Variants in SHOC2 observed in about 807,000 individuals in gnomAD.
SHOC2 encodes leucine-rich repeat protein SHOC-2.
In SHOC2, 4 loss-of-function variants were observed where a neutral mutation model predicts 50.2. The observed-to-expected ratio is 0.08, with a 90% CI of 0.04 to 0.18. SHOC2 has a LOEUF of 0.18. Among genes scored for constraint, SHOC2 ranks in the 10% least tolerant of loss-of-function variants. The pLI, the probability that SHOC2 is intolerant of heterozygous loss-of-function variation, is 1.00. For synonymous variants in SHOC2, 218 were observed against 244.5 expected (o/e 0.89, Z 1.01); for missense variants, 388 against 669.6 (o/e 0.58, Z 4.64).
At chr10:110,966,487 T>C (rs80112333) in intron 2 of SHOC2, among the ~76,000 whole-genome samples, 257 of 152,254 alleles carry the variant, frequency 1.7e-3, no homozygotes, top group African/African-American at 5.8e-3. Flanking sequence ...CATAGAAATA[T>C]AAAAGTTACT....
chr10:110,923,166 TA>T (rs1846688567), intron 1 of SHOC2, among the ~76,000 whole-genome samples: 1 of 152,028 alleles, frequency 6.6e-6, no homozygotes, highest in Non-Finnish European at 1.5e-5. Context: ...TTTTTTGAAA[TA>T]TTTTCTCTTA....
chr10:110,942,854 A>G (rs1357237602), intron 1 of SHOC2, among the ~76,000 whole-genome samples: 1 of 152,228 alleles, frequency 6.6e-6, no homozygotes, highest in Non-Finnish European at 1.5e-5. Context: ...GTTTAAAAAA[A>G]TTCTTTTAGA....
intron 1 of SHOC2, among the ~76,000 whole-genome samples, chr10:110,935,791 T>C (rs997089533): frequency 1.9e-4 from 29 of 152,220 alleles, no homozygotes; most frequent in African/African-American, 6.8e-4. Context: ...AGTATAAAGA[T>C]ATTAGCATTC....
intron 3 of SHOC2, among the ~76,000 whole-genome samples, chr10:110,987,475 A>T (rs1272929926): frequency 6.6e-6 from 1 of 152,168 alleles, no homozygotes; most frequent in Non-Finnish European, 1.5e-5. Context: ...TACTATTTGT[A>T]GTGGAAAGAG....
Position 111,007,612 on chromosome 10 carries a change from A to G in SHOC2, c.1243A>G (p.Thr415Ala). The change falls in exon 6 of 9, where the codon ACA (threonine) becomes GCA (alanine). Residue 415 changes from threonine to alanine, a missense_variant. By Grantham distance (58) the Thr-to-Ala change is moderately conservative (BLOSUM62 0). This residue lies in a region of SHOC2 where 130 missense variants were observed against 208.6 expected (regional missense o/e 0.62). Coordinates refer to ENST00000369452, the MANE Select transcript of SHOC2 (RefSeq NM_007373.4). ...ATTGAATTTAGCCACTAATCAGCTC[A>G]CAAAGATCCCTGAGGATGTGTCTGG... ...VELNLATNQL[T>A]KIPEDVSGLV... 2 of 1,613,034 alleles carry G rather than the reference A, an allele frequency of 1.2e-6. No individual in the cohort carries two copies. The highest frequency in any genetic ancestry group is 1.7e-6 in the Non-Finnish European group (2 of 1,179,100).
intron 2 of SHOC2, 51 bp downstream of exon 2, chr10:110,965,112 T>C: frequency 6.7e-7 from 1 of 1,496,748 alleles, no homozygotes; most frequent in South Asian, 1.2e-5. Flanking sequence ...TGCTAAATAA[T>C]TTTGAGTGCT....
chr10:111,009,666 T>G (rs1848532582), intron 7 of SHOC2, 47 bp from the exon 8 acceptor site: 1 of 1,153,292 alleles, frequency 8.7e-7, no homozygotes, highest in African/African-American at 1.5e-5. Flanking sequence ...TTACATTAAA[T>G]GTAGGAAATA....
Position 110,919,619 on chromosome 10 carries a change from G to C in SHOC2, c.-273G>C, listed in dbSNP as rs968816552. 5.0e-6 allele frequency: 2 copies of C among 398,788 alleles called. No homozygotes were observed. Among genetic ancestry groups the C allele is most frequent in the African/African-American group, 4.1e-5 (2 of 48,472 alleles). The allele number at this position is 398,788 out of a possible 1,614,324, so 24.7% of individuals were successfully genotyped here. On this transcript the variant is annotated 5_prime_UTR_variant, in exon 1 of 9. Coordinates refer to ENST00000369452, the MANE Select transcript of SHOC2 (RefSeq NM_007373.4). ...GGAGGAGGAGGAAGAGGAGGAAGGA[G>C]GGCGAGCGAGGAGGATGGCGGAGTC...
Position 110,964,277 on chromosome 10 carries a change from G to A in SHOC2, c.-82G>A. ...AAGCCAGTACTTTTTTGATTGTGTA[G>A]GATCTTTGTCTCTTCATCTTTGAAT... On this transcript the variant is annotated 5_prime_UTR_variant, in exon 2 of 9. Coordinates refer to ENST00000369452, the MANE Select transcript of SHOC2 (RefSeq NM_007373.4). The surrounding 1 kb of genome is among the most constrained non-coding windows in gnomAD (Gnocchi z 4.9). The A allele has an allele frequency of 6.5e-7, 1 of 1,547,490 alleles. No homozygotes were observed. The highest frequency in any genetic ancestry group is 1.2e-5 in the South Asian group (1 of 82,840).
At chr10:110,933,275 T>C (rs1293398466) in intron 1 of SHOC2, among the ~76,000 whole-genome samples, 5 of 152,074 alleles carry the variant, frequency 3.3e-5, no homozygotes, top group African/African-American at 7.2e-5. Context: ...AAGATATACA[T>C]ACAGAGATAA....
chr10:110,928,994 A>G (rs767105579), intron 1 of SHOC2, among the ~76,000 whole-genome samples: 2 of 152,212 alleles, frequency 1.3e-5, no homozygotes, highest in South Asian at 2.1e-4. Flanking sequence ...TTGGAACTCA[A>G]TTATACCTGA....
intron 2 of SHOC2, among the ~76,000 whole-genome samples, chr10:110,972,837 GA>G (rs201571661): frequency 6.6e-6 from 1 of 150,566 alleles, no homozygotes; most frequent in African/African-American, 2.4e-5. Context: ...TGTCTCAGGA[GA>G]AAAAAAAATG....
chr10:110,921,911 AATT>A (rs1053999927), intron 1 of SHOC2, among the ~76,000 whole-genome samples: 3 of 152,010 alleles, frequency 2.0e-5, no homozygotes, highest in African/African-American at 4.8e-5. Flanking sequence ...TTTTCTCATA[AATT>A]ATTATGGATT....
At chr10:110,963,069 T>C (rs1053264225) in intron 1 of SHOC2, among the ~76,000 whole-genome samples, 2 of 152,172 alleles carry the variant, frequency 1.3e-5, no homozygotes, top group Admixed American at 1.3e-4. Flanking sequence ...TAATAACTGT[T>C]TTAACCTCTT....
intron 1 of SHOC2, chr10:110,937,048 C>T (rs749276980): frequency 6.7e-7 from 1 of 1,487,530 alleles, no homozygotes. Flanking sequence ...GGTTGGTGTT[C>T]ATCCGCTTGC....
At chr10:110,956,255 G>C (rs1031868309) in intron 1 of SHOC2, among the ~76,000 whole-genome samples, 4 of 151,872 alleles carry the variant, frequency 2.6e-5, no homozygotes, top group Non-Finnish European at 5.9e-5. Context: ...GGCGCTCACT[G>C]CACTCTGCCT....
chr10:110,985,524 G>A (rs975079088), intron 2 of SHOC2, 104 bp from the exon 3 acceptor site: 14 of 848,804 alleles, frequency 1.6e-5, no homozygotes, highest in East Asian at 5.5e-5. Flanking sequence ...TATGTTTCCC[G>A]TTGTTTGTGT....
Position 110,964,186 on chromosome 10 carries a change from A to G in SHOC2, c.-173A>G. Reference sequence around the variant, plus strand: ...TACCAGTTGGAATGAATGATCAGAAATGGGCATAGTGCTTTTAGATCCAAC... The same window carrying G: ...TACCAGTTGGAATGAATGATCAGAAGTGGGCATAGTGCTTTTAGATCCAAC... On this transcript the variant is annotated 5_prime_UTR_variant, in exon 2 of 9. An upstream start codon of the reference 5' UTR is lost. Transcript: ENST00000369452. This position sits in a 1 kb window ranked among gnomAD's most constrained non-coding sequence, Gnocchi z 4.9. 1.1e-6 allele frequency: 1 copy of G among 890,624 alleles called. No individual in the cohort carries two copies. Among genetic ancestry groups the G allele is most frequent in the East Asian group, 2.6e-5 (1 of 37,808 alleles). 55.2% of individuals were successfully genotyped at this position (890,624 alleles called of 1,614,324 possible). A position where few individuals can be genotyped will look rare whatever the true frequency, so the allele number is the denominator to read the frequency against.
chr10:110,993,738 T>C (rs961635959), intron 3 of SHOC2, among the ~76,000 whole-genome samples: 8 of 152,164 alleles, frequency 5.3e-5, no homozygotes, highest in Admixed American at 4.6e-4. Flanking sequence ...TTAAGAGTTA[T>C]TTGGTTTTGG....
Sources: allele counts gnomAD v4.1 joint callset (sites outside exome capture counted in the v4.1 genomes callset), GRCh38; gene constraint gnomAD v4.1.1; regional missense constraint gnomAD v4.1.1; non-coding constraint Gnocchi (gnomAD v3.1); transcripts MANE v1.5; gene names NCBI Gene and HGNC (gene_info 2026-07-23, HGNC 2026-07-21).